The following MTFR1 variants were observed in gnomAD, a reference collection of about 807,000 sequenced individuals.
MTFR1 encodes the protein chondrocyte protein with a poly-proline region.
A neutral mutation model predicts 38.8 loss-of-function variants in MTFR1; 28 were observed. The ratio of observed to expected loss-of-function variants is 0.72; its 90% CI spans 0.53 to 0.99. The LOEUF is 0.99. MTFR1 is among the 50% of genes least tolerant of loss of function. The pLI, the probability that MTFR1 is intolerant of heterozygous loss-of-function variation, is 0.00. For missense variants in MTFR1, 358 were observed against 395.5 expected (o/e 0.91, Z 0.81); for synonymous variants, 145 against 137.0 (o/e 1.06, Z -0.41).
At chr8:65,722,138 C>T (rs939684250) in intron 3 of MTFR1, 1 of 152,184 alleles carries the variant, frequency 6.6e-6, no homozygotes, top group African/African-American at 2.4e-5. Context: ...GATTATTCTA[C>T]TTGAGAATCA....
chr8:65,711,258 A>C (rs1481491686), downstream of MTFR1, among the ~76,000 whole-genome samples: 1 of 152,194 alleles, frequency 6.6e-6, no homozygotes, highest in Non-Finnish European at 1.5e-5. Flanking sequence ...TTGTTTCCCC[A>C]GTCCCAGGCC....
chr8:65,723,692 A>G, intron 3 of MTFR1: 1 of 1,065,548 alleles, frequency 9.4e-7, no homozygotes, highest in South Asian at 2.1e-5. Flanking sequence ...TAAAGGCTTG[A>G]ACATACCTGT....
intron 3 of MTFR1, among the ~76,000 whole-genome samples, chr8:65,765,280 G>A (rs1316794340): frequency 6.6e-6 from 1 of 151,580 alleles, no homozygotes; most frequent in African/African-American, 2.4e-5. Flanking sequence ...ACGAGGTCAG[G>A]AGATCGAGAC....
intron 3 of MTFR1, among the ~76,000 whole-genome samples, chr8:65,738,708 C>G (rs1807262044): frequency 6.6e-6 from 1 of 152,210 alleles, no homozygotes; most frequent in African/African-American, 2.4e-5. Context: ...GCTGGGATTA[C>G]AGGTGTGAGC....
intron 2 of MTFR1, among the ~76,000 whole-genome samples, chr8:65,675,015 G>A (rs1289217848): frequency 1.3e-5 from 2 of 152,148 alleles, no homozygotes; most frequent in Non-Finnish European, 2.9e-5. Flanking sequence ...ATATGGCCTG[G>A]TGCAGTAGCT....
At chr8:65,698,525 A>G (rs1036813658) in intron 4 of MTFR1, among the ~76,000 whole-genome samples, 4 of 151,480 alleles carry the variant, frequency 2.6e-5, no homozygotes, top group Admixed American at 1.3e-4. Flanking sequence ...AGTGTTCCAA[A>G]CTCCAAATTT....
intron 1 of MTFR1, among the ~76,000 whole-genome samples, chr8:65,661,823 G>A (rs1809421517): frequency 6.6e-6 from 1 of 151,906 alleles, no homozygotes; most frequent in Non-Finnish European, 1.5e-5. Flanking sequence ...AATTAGCCAG[G>A]CATGGTGGCA....
At chr8:65,692,238 G>T (rs1049767996) in intron 3 of MTFR1, among the ~76,000 whole-genome samples, 3 of 151,792 alleles carry the variant, frequency 2.0e-5, no homozygotes. Context: ...ATTATTATTC[G>T]TTGACTTTTT....
chr8:65,650,210 CTTTT>C (rs768949769), intron 1 of MTFR1, among the ~76,000 whole-genome samples: 1 of 114,626 alleles, frequency 8.7e-6, no homozygotes, highest in Admixed American at 9.0e-5. Context: ...TCCTTATACT[CTTTT>C]TTTTTTTTTT....
At chr8:65,764,414 G>A (rs1019136329) in intron 3 of MTFR1, among the ~76,000 whole-genome samples, 1 of 152,238 alleles carries the variant, frequency 6.6e-6, no homozygotes, top group African/African-American at 2.4e-5. Flanking sequence ...ATGATGGATA[G>A]CTGCTTTCGC....
intron 3 of MTFR1, among the ~76,000 whole-genome samples, chr8:65,734,034 G>C (rs1054973401): frequency 6.6e-6 from 1 of 152,120 alleles, no homozygotes; most frequent in African/African-American, 2.4e-5. Context: ...CATTAAGTCT[G>C]ATTTCTCTTC....
intron 3 of MTFR1, chr8:65,727,180 G>A (rs756125763): frequency 8.8e-6 from 14 of 1,587,590 alleles, no homozygotes; most frequent in African/African-American, 1.3e-5. Context: ...CTTGTATAAA[G>A]TTGCCAAGTA....
At chr8:65,734,049 C>G (rs1178678304) in intron 3 of MTFR1, among the ~76,000 whole-genome samples, 9 of 152,154 alleles carry the variant, frequency 5.9e-5, no homozygotes, top group Non-Finnish European at 1.0e-4. Flanking sequence ...CTCTTCTATA[C>G]TTCAGACTCT....
intron 3 of MTFR1, chr8:65,745,392 A>T (rs1807629787): frequency 1.4e-6 from 2 of 1,466,552 alleles, no homozygotes; most frequent in Non-Finnish European, 1.9e-6. Context: ...TGAGCAAGTC[A>T]AATTCTTCAC....
At chr8:65,698,894 A>G (rs1013980134) in intron 4 of MTFR1, among the ~76,000 whole-genome samples, 5 of 151,790 alleles carry the variant, frequency 3.3e-5, no homozygotes, top group African/African-American at 4.8e-5. Context: ...ACGCCCACCT[A>G]ATTTTTGAAT....
downstream of MTFR1, among the ~76,000 whole-genome samples, chr8:65,715,474 T>C (rs1806096618): frequency 6.7e-6 from 1 of 149,976 alleles, no homozygotes; most frequent in South Asian, 2.1e-4. Context: ...GCCACCTGGG[T>C]TCAAGCAATT....
intron 3 of MTFR1, among the ~76,000 whole-genome samples, chr8:65,733,313 C>T (rs1418866008): frequency 6.6e-6 from 1 of 152,124 alleles, no homozygotes; most frequent in African/African-American, 2.4e-5. Flanking sequence ...CAGAAGCCTT[C>T]GCTGACCAGG....
At chr8:65,665,044 C>T (rs111319651) in intron 1 of MTFR1, among the ~76,000 whole-genome samples, 1 of 151,120 alleles carries the variant, frequency 6.6e-6, no homozygotes, top group African/African-American at 2.4e-5. Context: ...AAGCCATTCT[C>T]CTGCCTCAGC....
Position 65,707,824 on chromosome 8 carries a change from T to G in MTFR1, c.765-19T>G. On this transcript the variant is annotated intron_variant, in intron 6 of 7. Transcript: ENST00000262146. ...CAGTGTATTGATCTGTCCCCTTGGTTTGTGTTCACTTCTCTAAGGTCAGAG... is the reference window on the plus strand; with the variant it reads ...CAGTGTATTGATCTGTCCCCTTGGTGTGTGTTCACTTCTCTAAGGTCAGAG... The G allele has an allele frequency of 4.3e-6, 7 of 1,611,010 alleles. No individual in the cohort carries two copies. Among genetic ancestry groups the G allele is most frequent in the Non-Finnish European group, 5.9e-6 (7 of 1,178,290 alleles).
Sources: gnomAD v4.1 joint callset for allele counts (sites outside exome capture counted in the v4.1 genomes callset) on GRCh38, gnomAD v4.1.1 for gene constraint, MANE v1.5 for transcripts, NCBI Gene and HGNC (gene_info 2026-07-23, HGNC 2026-07-21) for gene names.